The following ZBTB20 variants were observed in gnomAD, a reference collection of about 807,000 sequenced individuals.
The protein encoded by ZBTB20 is zinc finger and BTB domain containing 20, also known as zinc finger and BTB domain-containing protein 20.
ZBTB20 carries 9 observed loss-of-function variants against 56.9 expected under a neutral mutation model. The observed-to-expected ratio is 0.16, with a 90% CI of 0.10 to 0.28. The LOEUF (loss-of-function observed/expected upper bound fraction) is 0.28. Among genes scored for constraint, ZBTB20 ranks in the 10% least tolerant of loss-of-function variants. The pLI is 1.00. For synonymous variants in ZBTB20, 417 were observed against 420.7 expected (o/e 0.99, Z 0.11); for missense variants, 655 against 1,003.0 (o/e 0.65, Z 4.69).
At chr3:115,143,830 T>C (rs1271314018) in intron 1 of ZBTB20, among the ~76,000 whole-genome samples, 1 of 152,228 alleles carries the variant, frequency 6.6e-6, no homozygotes, top group Non-Finnish European at 1.5e-5. Context: ...ACTAAGATCT[T>C]TCTTTCCTAT....
At position 114,865,116 on chromosome 3, in the gene ZBTB20, T is replaced by C. The variant is rs1413204396; in HGVS notation, c.-417+35188A>G. Among the ~76,000 whole-genome samples the C allele has an allele frequency of 5.3e-5, 8 of 152,250 alleles. No homozygotes were observed. In the East Asian group the frequency reaches 1.5e-3, roughly 29 times the overall value. On this transcript the variant is annotated intron_variant, in intron 4 of 11. Coordinates refer to ENST00000675478, the MANE Select transcript of ZBTB20 (RefSeq NM_001348800.3). ...GATTGCCATCTATTATAAATAGTGC[T>C]GAAAGACCCCACACACAGCAAACTG...
At chr3:114,876,672 AGAG>A (rs2076211964) in intron 4 of ZBTB20, among the ~76,000 whole-genome samples, 1 of 152,134 alleles carries the variant, frequency 6.6e-6, no homozygotes, top group South Asian at 2.1e-4. Flanking sequence ...AATTCACAAG[AGAG>A]GAGAAGAAAA....
chr3:115,044,220 G>A (rs2081256074), intron 2 of ZBTB20, among the ~76,000 whole-genome samples: 1 of 143,916 alleles, frequency 6.9e-6, no homozygotes, highest in Non-Finnish European at 1.6e-5. Flanking sequence ...CACTCTCCAG[G>A]AAGTTTCAAA....
chr3:114,739,304 C>CT (rs1203745136), intron 5 of ZBTB20, among the ~76,000 whole-genome samples: 1 of 152,206 alleles, frequency 6.6e-6, no homozygotes, highest in African/African-American at 2.4e-5. Flanking sequence ...CATACCAGAG[C>CT]TTCCAATTGT....
intron 6 of ZBTB20, among the ~76,000 whole-genome samples, chr3:114,589,966 G>A (rs998493305): frequency 1.3e-5 from 2 of 152,062 alleles, no homozygotes; most frequent in East Asian, 3.8e-4. Context: ...CATATTTTTG[G>A]AGATGAATCA....
chr3:114,935,799 G>T (rs2076514311), intron 3 of ZBTB20, among the ~76,000 whole-genome samples: 1 of 151,954 alleles, frequency 6.6e-6, no homozygotes, highest in Non-Finnish European at 1.5e-5. Flanking sequence ...TGGCTCTAAG[G>T]GCTTGTTGAA....
At chr3:114,706,940 C>T (rs1468379846) in intron 5 of ZBTB20, among the ~76,000 whole-genome samples, 2 of 152,034 alleles carry the variant, frequency 1.3e-5, no homozygotes, top group African/African-American at 4.8e-5. Context: ...GGTGCAACTA[C>T]AGCCAAGAGA....
intron 6 of ZBTB20, among the ~76,000 whole-genome samples, chr3:114,559,466 T>G (rs1056365862): frequency 2.0e-5 from 3 of 152,156 alleles, no homozygotes; most frequent in Admixed American, 6.6e-5. Flanking sequence ...AACACAATTG[T>G]GAACCAGGTA....
chr3:114,780,779 C>T (rs1443734455), intron 5 of ZBTB20, among the ~76,000 whole-genome samples: 1 of 152,204 alleles, frequency 6.6e-6, no homozygotes, highest in African/African-American at 2.4e-5. Context: ...AGCCACCACG[C>T]CTGGCCCGTA....
chr3:114,672,173 C>A (rs1226705906), intron 6 of ZBTB20, among the ~76,000 whole-genome samples: 1 of 152,002 alleles, frequency 6.6e-6, no homozygotes, highest in Non-Finnish European at 1.5e-5. Context: ...AAATAATAGT[C>A]AAATTGCTCA....
intron 1 of ZBTB20, among the ~76,000 whole-genome samples, chr3:115,128,168 G>GAAATATAT (rs1288502383): frequency 6.6e-6 from 1 of 152,116 alleles, no homozygotes; most frequent in Non-Finnish European, 1.5e-5. Flanking sequence ...TTGAGAAACA[G>GAAATATAT]TGAAGAAATA....
chr3:114,803,502 GTCGCCAACTCAC>G (rs888990562), intron 4 of ZBTB20, among the ~76,000 whole-genome samples: 15 of 151,838 alleles, frequency 9.9e-5, no homozygotes, highest in African/African-American at 3.6e-4. Context: ...AAAAAATATA[GTCGCCAACTCAC>G]TGTTGGCGAC....
intron 6 of ZBTB20, among the ~76,000 whole-genome samples, chr3:114,622,520 TTG>T (rs916105452): frequency 2.0e-5 from 3 of 152,126 alleles, no homozygotes; most frequent in South Asian, 4.1e-4. Flanking sequence ...ACTATAGGAA[TTG>T]TGATAGGAAG....
At chr3:114,993,543 G>C (rs895622595) in intron 2 of ZBTB20, among the ~76,000 whole-genome samples, 1 of 151,450 alleles carries the variant, frequency 6.6e-6, no homozygotes, top group Admixed American at 6.6e-5. Context: ...AAATACCAAA[G>C]AATTGGTATT....
intron 2 of ZBTB20, among the ~76,000 whole-genome samples, chr3:114,994,329 C>T (rs1416747801): frequency 6.6e-6 from 1 of 151,824 alleles, no homozygotes; most frequent in Non-Finnish European, 1.5e-5. Context: ...TTACATCTCA[C>T]ATGGTTTAAC....
intron 10 of ZBTB20, among the ~76,000 whole-genome samples, chr3:114,353,109 C>T (rs1476704001): frequency 6.6e-6 from 1 of 152,154 alleles, no homozygotes; most frequent in Non-Finnish European, 1.5e-5. Flanking sequence ...AGAGAATCCC[C>T]CTCCAAATAA....
rs911947401 is a variant in ZBTB20, at chr3:114,989,776, G to C, written c.-506-15360C>G. Among the ~76,000 whole-genome samples, 30 of 151,614 alleles carry C rather than the reference G, an allele frequency of 2.0e-4. 1 individual carries two copies. Among genetic ancestry groups the C allele is most frequent in the African/African-American group, 6.1e-4 (25 of 41,290 alleles). ...ATTTGTTTGTGTCCTCTTTTATTTC[G>C]TTGAGCAGTGGTTTGTAGTTGTCCT... On this transcript the variant is annotated intron_variant, in intron 2 of 11. Coordinates refer to ENST00000675478, the MANE Select transcript of ZBTB20 (RefSeq NM_001348800.3).
chr3:114,855,589 A>C (rs917722320), intron 4 of ZBTB20, among the ~76,000 whole-genome samples: 27 of 152,200 alleles, frequency 1.8e-4, no homozygotes, highest in African/African-American at 6.5e-4. Flanking sequence ...AGGGCCAGAG[A>C]GCAAGAAGGA....
At chr3:114,673,953 C>T (rs1248374983) in intron 6 of ZBTB20, among the ~76,000 whole-genome samples, 2 of 152,100 alleles carry the variant, frequency 1.3e-5, no homozygotes, top group Admixed American at 6.6e-5. Context: ...TAAGAATACA[C>T]TCTAACAAAA....
Sources: gnomAD v4.1 joint callset for allele counts (sites outside exome capture counted in the v4.1 genomes callset) on GRCh38, gnomAD v4.1.1 for gene constraint, MANE v1.5 for transcripts, NCBI Gene and HGNC (gene_info 2026-07-23, HGNC 2026-07-21) for gene names.